CPAP: variants seen among roughly 807,000 people sequenced by gnomAD.
CPAP encodes the protein centrosomal P4.1-associated protein.
At chr13:24,883,155 C>T in the CPAP span, 3 of 1,605,500 alleles carry the variant, frequency 1.9e-6, no homozygotes, top group East Asian at 2.2e-5. Flanking sequence ...GTTACTGTTA[C>T]TTCATGATCA....
the CPAP span, among the ~76,000 whole-genome samples, chr13:24,924,466 A>G: frequency 6.6e-6 from 1 of 152,246 alleles, no homozygotes; most frequent in Non-Finnish European, 1.5e-5. Context: ...AATTAAGGTT[A>G]TAATGTGTAA....
the CPAP span, among the ~76,000 whole-genome samples, chr13:24,892,462 T>C: frequency 2.0e-5 from 3 of 152,272 alleles, no homozygotes; most frequent in African/African-American, 7.2e-5. Context: ...ACCATCGCCC[T>C]CCATCCAGCT....
the CPAP span, chr13:24,911,910 T>C: frequency 1.2e-6 from 2 of 1,613,332 alleles, no homozygotes; most frequent in Non-Finnish European, 1.7e-6. Flanking sequence ...GTAAGAAATG[T>C]GCATTATACT....
chr13:24,886,848 C>G, the CPAP span, among the ~76,000 whole-genome samples: 4 of 152,164 alleles, frequency 2.6e-5, no homozygotes, highest in Admixed American at 6.5e-5. Flanking sequence ...AACCAGGATT[C>G]AAACCCACTA....
At chr13:24,897,184 G>GCT in the CPAP span, among the ~76,000 whole-genome samples, 1 of 152,182 alleles carries the variant, frequency 6.6e-6, no homozygotes, top group Non-Finnish European at 1.5e-5. Context: ...GGAGGTTGCA[G>GCT]TGAGCTGAAA....
At chr13:24,906,791 T>A in the CPAP span, 1 of 1,614,242 alleles carries the variant, frequency 6.2e-7, no homozygotes. Flanking sequence ...TTGCTGTCTA[T>A]CCATTTTAAA....
At chr13:24,885,919 C>T in the CPAP span, 1 of 509,314 alleles carries the variant, frequency 2.0e-6, no homozygotes. Context: ...GATGAAACAG[C>T]CTGACAGACC....
At chr13:24,893,401 G>A in the CPAP span, among the ~76,000 whole-genome samples, 1 of 152,220 alleles carries the variant, frequency 6.6e-6, no homozygotes. Context: ...TCGAGATCAC[G>A]TGCAGCTGCA....
chr13:24,908,962 T>C, the CPAP span, among the ~76,000 whole-genome samples: 1 of 152,118 alleles, frequency 6.6e-6, no homozygotes, highest in African/African-American at 2.4e-5. Context: ...TTCAGTGAAA[T>C]GGTTCAGCAA....
At chr13:24,912,080 A>G in the CPAP span, 1 of 1,610,928 alleles carries the variant, frequency 6.2e-7, no homozygotes, top group Non-Finnish European at 8.5e-7. Flanking sequence ...CTTTTTAAAT[A>G]CAAAATTAAC....
the CPAP span, among the ~76,000 whole-genome samples, chr13:24,903,759 C>A: frequency 6.6e-6 from 1 of 152,096 alleles, no homozygotes; most frequent in African/African-American, 2.4e-5. Flanking sequence ...CATTGACTAC[C>A]CTGGGTCATT....
the CPAP span, among the ~76,000 whole-genome samples, chr13:24,928,887 A>G: frequency 1.3e-5 from 2 of 152,212 alleles, no homozygotes; most frequent in Non-Finnish European, 2.9e-5. Flanking sequence ...CACATCCACT[A>G]TATTCTAGAA....
chr13:24,922,260 A>T, the CPAP span, among the ~76,000 whole-genome samples: 1 of 152,188 alleles, frequency 6.6e-6, no homozygotes, highest in Admixed American at 6.5e-5. Context: ...CAAACAGCAA[A>T]TTCAAAGCCA....
the CPAP span, chr13:24,905,870 CT>C: frequency 6.2e-7 from 1 of 1,614,060 alleles, no homozygotes. Context: ...GCTGATGCCC[CT>C]CTCTCTATCC....
chr13:24,933,730 C>CTT, the CPAP span, among the ~76,000 whole-genome samples: 7 of 144,840 alleles, frequency 4.8e-5, no homozygotes, highest in African/African-American at 1.3e-4. Context: ...ACCTCTTCTT[C>CTT]TTTTTTTTTT....
the CPAP span, chr13:24,883,921 G>A: frequency 2.5e-6 from 4 of 1,613,064 alleles, no homozygotes; most frequent in Admixed American, 1.7e-5. Context: ...ATGAACAGGT[G>A]TCACACTGAG....
At chr13:24,886,283 G>C in the CPAP span, 27 of 1,287,362 alleles carry the variant, frequency 2.1e-5, no homozygotes, top group South Asian at 3.2e-4. Flanking sequence ...ATGTTAAAAA[G>C]TGTAACAGAG....
chr13:24,893,546 G>A, the CPAP span, among the ~76,000 whole-genome samples: 1 of 152,224 alleles, frequency 6.6e-6, no homozygotes, highest in Admixed American at 6.5e-5. Flanking sequence ...AGCCTGGTGA[G>A]GATGGAGAGG....
chr13:24,908,884 T>A, the CPAP span, among the ~76,000 whole-genome samples: 1 of 152,352 alleles, frequency 6.6e-6, no homozygotes, highest in Admixed American at 6.5e-5. Flanking sequence ...TACAGATGAA[T>A]GTCCTAATTT....
Sources: allele counts gnomAD v4.1 joint callset (sites outside exome capture counted in the v4.1 genomes callset), GRCh38; gene constraint gnomAD v4.1.1; transcripts MANE v1.5; gene names NCBI Gene and HGNC (gene_info 2026-07-23, HGNC 2026-07-21).